KIF26B: variants seen among roughly 807,000 people sequenced by gnomAD.
KIF26B encodes the protein kinesin family member 26B.
Under a neutral mutation model 151.2 loss-of-function variants are expected in KIF26B, and 63 were observed. The observed-to-expected ratio is 0.42, with a 90% confidence interval of 0.34 to 0.51. The LOEUF (loss-of-function observed/expected upper bound fraction) is 0.51. KIF26B is among the 20% of genes least tolerant of loss of function. KIF26B has a pLI of 0.07. For missense variants in KIF26B, 2,813 were observed against 2,913.6 expected (o/e 0.97, Z 0.79); for synonymous variants, 1,357 against 1,262.1 (o/e 1.08, Z -1.59).
chr1:245,512,993 C>T lies in KIF26B; in HGVS notation c.1167-27774C>T, dbSNP rs915393339. 6.6e-6 allele frequency among the ~76,000 whole-genome samples: 1 copy of T among 152,174 alleles called. No homozygotes were observed. The highest frequency in any genetic ancestry group is 1.5e-5 in the Non-Finnish European group (1 of 68,044). ...TAAAGCAGATACCAGTTATAGCCTT[C>T]CTGGGTTAGGGGAGACAGACAGTCT... is the stretch of plus-strand genomic sequence containing the variant. On this transcript the variant is annotated intron_variant, in intron 4 of 14. Coordinates refer to ENST00000407071, the MANE Select transcript of KIF26B (RefSeq NM_018012.4). This position sits in a 1 kb window ranked among gnomAD's most constrained non-coding sequence, Gnocchi z 4.3.
At chr1:245,308,521 G>A (rs539878552) in intron 2 of KIF26B, among the ~76,000 whole-genome samples, 1 of 152,264 alleles carries the variant, frequency 6.6e-6, no homozygotes, top group South Asian at 2.1e-4. Context: ...TTTAAAAAAA[G>A]CATGTGTGCA....
At chr1:245,368,642 G>A (rs1012538991) in intron 3 of KIF26B, among the ~76,000 whole-genome samples, 12 of 152,012 alleles carry the variant, frequency 7.9e-5, no homozygotes, top group South Asian at 2.1e-4. Context: ...GTGGCCTTCC[G>A]CTGTGATGTG....
chr1:245,683,991 A>G (rs1442763410), intron 10 of KIF26B, among the ~76,000 whole-genome samples: 1 of 152,226 alleles, frequency 6.6e-6, no homozygotes, highest in South Asian at 2.1e-4. Context: ...CATCACAGCC[A>G]GGACAGAAGC....
rs1369159780 is a variant in KIF26B at position 245,673,410 on chromosome 1, GCGCGCTGC to G, written c.2259-10821_2259-10814del. On this transcript the variant is annotated intron_variant, in intron 10 of 14. Coordinates refer to ENST00000407071, the MANE Select transcript of KIF26B (RefSeq NM_018012.4). ...TGCCATCTTAGGCCCAGTCCCCGCT[GCGCGCTGC>G]CATCTTAGGCCCAGTCCCCGCTGCG... Among the ~76,000 whole-genome samples the G allele has an allele frequency of 2.0e-5, 3 of 148,386 alleles. No homozygotes were observed. The East Asian group carries it at 6.1e-4, about 30-fold the overall frequency.
At chr1:245,355,817 G>A (rs1047082091) in intron 2 of KIF26B, among the ~76,000 whole-genome samples, 6 of 152,140 alleles carry the variant, frequency 3.9e-5, no homozygotes, top group Non-Finnish European at 5.9e-5. Flanking sequence ...AATTCACTGG[G>A]TGGAGGGTAG....
In KIF26B at chr1:245,569,927, A is replaced by ATTTTTTTT. The variant is rs869238168; in HGVS notation, c.1350+28996_1350+29003dup. 3.4e-4 allele frequency among the ~76,000 whole-genome samples: 16 copies of ATTTTTTTT among 47,666 alleles called. 2 individuals are homozygous for ATTTTTTTT. Among genetic ancestry groups the ATTTTTTTT allele is most frequent in the African/African-American group, 1.4e-3 (16 of 11,566 alleles). The allele number at this position is 47,666 out of a possible 152,430, so 31.3% of individuals were successfully genotyped here. ...GGGAAACCTACGTTGTAAATAGAGA[A>ATTTTTTTT]TTTTTTTTTTTTTTTTTTTTTTTTT... On this transcript the variant is annotated intron_variant, in intron 5 of 14. Transcript: ENST00000407071.
chr1:245,246,581 G>T (rs1670334146), intron 2 of KIF26B, among the ~76,000 whole-genome samples: 1 of 152,108 alleles, frequency 6.6e-6, no homozygotes, highest in Non-Finnish European at 1.5e-5. Context: ...CCCACAGTGG[G>T]TCTCCAGGGC....
chr1:245,393,926 TG>T (rs1019061237), intron 3 of KIF26B, among the ~76,000 whole-genome samples: 9 of 152,154 alleles, frequency 5.9e-5, no homozygotes, highest in Non-Finnish European at 1.0e-4. Flanking sequence ...CCCAGCTACC[TG>T]GGGGAGGGGA....
At chr1:245,486,344 G>A (rs1660279355) in intron 4 of KIF26B, among the ~76,000 whole-genome samples, 2 of 151,898 alleles carry the variant, frequency 1.3e-5, no homozygotes, top group South Asian at 4.2e-4. Flanking sequence ...TCATTTTCAG[G>A]AAAGAAGAAG....
chr1:245,372,899 A>G (rs1191163823), intron 3 of KIF26B, among the ~76,000 whole-genome samples: 1 of 152,210 alleles, frequency 6.6e-6, no homozygotes, highest in East Asian at 1.9e-4. Flanking sequence ...GTAGCTTGAC[A>G]TCTTAGTCTA....
At chr1:245,470,217 T>C (rs2103063125) in intron 4 of KIF26B, among the ~76,000 whole-genome samples, 1 of 151,988 alleles carries the variant, frequency 6.6e-6, no homozygotes, top group South Asian at 2.1e-4. Flanking sequence ...CCCTGAAGGA[T>C]TTTAAGTGCC....
chr1:245,408,893 C>T (rs1024749634), intron 3 of KIF26B, among the ~76,000 whole-genome samples: 1 of 152,116 alleles, frequency 6.6e-6, no homozygotes, highest in East Asian at 1.9e-4. Flanking sequence ...GGGTTGTTGT[C>T]AGTATTAAAT....
intron 5 of KIF26B, among the ~76,000 whole-genome samples, chr1:245,584,692 G>A (rs1471480668): frequency 6.6e-6 from 1 of 152,132 alleles, no homozygotes; most frequent in Non-Finnish European, 1.5e-5. Context: ...ATTCTATCGC[G>A]GGCAGTTTAT....
intron 4 of KIF26B, among the ~76,000 whole-genome samples, chr1:245,452,589 G>A (rs567722200): frequency 6.6e-6 from 1 of 151,868 alleles, no homozygotes; most frequent in East Asian, 1.9e-4. Context: ...TCACATTCTC[G>A]ACAGTATTTA....
At chr1:245,536,051 T>G (rs1338160343) in intron 4 of KIF26B, among the ~76,000 whole-genome samples, 1 of 152,248 alleles carries the variant, frequency 6.6e-6, no homozygotes, top group Non-Finnish European at 1.5e-5. Flanking sequence ...TTATCAGAAT[T>G]TAGGTAACTT....
chr1:245,559,389 G>A (rs1365919151), intron 5 of KIF26B, among the ~76,000 whole-genome samples: 2 of 152,082 alleles, frequency 1.3e-5, no homozygotes, highest in Non-Finnish European at 2.9e-5. Flanking sequence ...TTTTTACTAC[G>A]GTGAGTAACA....
At chr1:245,387,873 T>G (rs1242533753) in intron 3 of KIF26B, among the ~76,000 whole-genome samples, 1 of 152,168 alleles carries the variant, frequency 6.6e-6, no homozygotes, top group Admixed American at 6.6e-5. Context: ...CCCATCTCTC[T>G]CCCTCATCCA....
chr1:245,384,796 G>A (rs1673502177), intron 3 of KIF26B, among the ~76,000 whole-genome samples: 1 of 152,206 alleles, frequency 6.6e-6, no homozygotes, highest in Admixed American at 6.5e-5. Flanking sequence ...TAGTAAACTT[G>A]TTTAGGAAAT....
At chr1:245,538,827 G>A (rs534659837) in intron 4 of KIF26B, among the ~76,000 whole-genome samples, 3 of 152,214 alleles carry the variant, frequency 2.0e-5, no homozygotes, top group East Asian at 3.9e-4. Context: ...GGGAGGGATC[G>A]CTGAGCAGAG....
Sources: gnomAD v4.1 joint callset for allele counts (sites outside exome capture counted in the v4.1 genomes callset) on GRCh38, gnomAD v4.1.1 for gene constraint, Gnocchi (gnomAD v3.1) non-coding constraint, MANE v1.5 for transcripts, NCBI Gene and HGNC (gene_info 2026-07-23, HGNC 2026-07-21) for gene names.